Variants in ZNF85 observed in about 807,000 individuals in gnomAD.
ZNF85 encodes the protein zinc finger protein 85.
A neutral mutation model predicts 53.9 loss-of-function variants in ZNF85; 50 were observed. The observed-to-expected ratio is 0.93, with a 90% CI of 0.74 to 1.17. The LOEUF is 1.17. Ranked by LOEUF, ZNF85 falls within the 50% of genes most tolerant of loss-of-function variation. The pLI, the probability that ZNF85 is intolerant of heterozygous loss-of-function variation, is 0.00. For synonymous variants in ZNF85, 225 were observed against 226.1 expected (o/e 1.00, Z 0.04); for missense variants, 747 against 688.5 (o/e 1.08, Z -0.95).
At chr19:20,942,734 C>T (rs1973326297) in intron 3 of ZNF85, 2 of 662,758 alleles carry the variant, frequency 3.0e-6, no homozygotes, top group South Asian at 3.3e-5. Context: ...GGTCAGAAAA[C>T]ACACAGTGTA....
chr19:20,926,118 T>C (rs57893102), intron 1 of ZNF85, among the ~76,000 whole-genome samples: 5,509 of 152,274 alleles, frequency 0.036, 198 homozygotes, highest in South Asian at 0.12. Context: ...AAAATCTCTC[T>C]TCCATTTTGG....
intron 1 of ZNF85, among the ~76,000 whole-genome samples, chr19:20,930,321 T>C (rs1477022140): frequency 6.6e-6 from 1 of 152,182 alleles, no homozygotes; most frequent in Non-Finnish European, 1.5e-5. Flanking sequence ...ACTTGTTTTC[T>C]ATTTTTGCAA....
In ZNF85 at chr19:20,948,918, A is replaced by C. The variant is rs781095483; in HGVS notation, c.404A>C (p.Asn135Thr). 6.2e-7 allele frequency: 1 copy of C among 1,613,748 alleles called. No homozygotes were observed. Among genetic ancestry groups the C allele is most frequent in the Non-Finnish European group, 8.5e-7 (1 of 1,179,766 alleles). Residue 135 changes from asparagine to threonine, a missense_variant, in exon 4 of 4, where the codon AAC (asparagine) becomes ACC (threonine). Physicochemically the swap from Asn to Thr is moderately conservative, Grantham distance 65 (BLOSUM62 0). Coordinates refer to ENST00000328178, the MANE Select transcript of ZNF85 (RefSeq NM_003429.5). ...CACAAAGGAGGTTGTAATGGACTTA[A>C]CCAATGTCTCACAGCTACCCAGAGC... ...KMHKGGCNGL[N>T]QCLTATQSKI...
In ZNF85 at chr19:20,948,784, G is replaced by A; in HGVS notation, c.270G>A (p.Gln90=). Reference sequence around the variant, plus strand: ...TTGCCCAAGACCTTTGGCCGGAGCAGAATATAAAAGATTCTTTCCAAAAAG... The same window carrying A: ...TTGCCCAAGACCTTTGGCCGGAGCAAAATATAAAAGATTCTTTCCAAAAAG... The part of the protein sequence containing the change: ...SHFAQDLWPE[Q]NIKDSFQKVT... Residue 90 remains glutamine, a synonymous_variant, in exon 4 of 4, where the codon CAG becomes CAA. Transcript: ENST00000328178. 4 of 1,602,524 alleles carry A rather than the reference G, an allele frequency of 2.5e-6. No individual in the cohort carries two copies. The highest frequency in any genetic ancestry group is 2.3e-5 in the South Asian group (2 of 88,028).
At position 20,950,054 on chromosome 19, in the gene ZNF85, G is replaced by T. The variant is rs1973541095; in HGVS notation, c.1540G>T (p.Glu514Ter). The T allele has an allele frequency of 6.2e-7, 1 of 1,612,586 alleles. No homozygotes were observed. The highest frequency in any genetic ancestry group is 1.1e-5 in the South Asian group (1 of 91,046). Residue 514 changes from glutamate (E) to a stop codon, truncating the protein, a stop_gained, in exon 4 of 4, where the codon GAA becomes TAA. Transcript: ENST00000328178. LOFTEE classifies it high-confidence loss of function. ...HTGEKPYKCE[E>*]CGKAFNQSSK... ...TGGAGAGAAACCATACAAATGTGAA[G>T]AATGTGGCAAAGCTTTTAACCAATC...
intron 1 of ZNF85, chr19:20,928,080 G>A (rs1296224907): frequency 6.6e-6 from 1 of 152,110 alleles, no homozygotes; most frequent in South Asian, 2.1e-4. Context: ...TGGGTTCTGT[G>A]AGTAGCTCTA....
At chr19:20,931,562 G>T (rs1973018511) in intron 1 of ZNF85, among the ~76,000 whole-genome samples, 1 of 148,710 alleles carries the variant, frequency 6.7e-6, no homozygotes, top group South Asian at 2.1e-4. Context: ...GACTGTTTCT[G>T]TTTGGATTTG....
chr19:20,939,777 A>C (rs965488767), intron 3 of ZNF85, among the ~76,000 whole-genome samples: 43 of 151,796 alleles, frequency 2.8e-4, no homozygotes, highest in Admixed American at 2.0e-3. Context: ...AGCTCACCGC[A>C]ACCTCTGCCT....
rs1339601644 is a variant in ZNF85, at chr19:20,948,988, T to G, written c.474T>G (p.Phe158Leu). 6.2e-7 allele frequency: 1 copy of G among 1,613,494 alleles called. No individual in the cohort carries two copies. Among genetic ancestry groups the G allele is most frequent in the South Asian group, 1.1e-5 (1 of 90,934 alleles). ...CDKYVKVAHKFSNSNRHEIRH... is the reference protein window; with the variant it reads ...CDKYVKVAHKLSNSNRHEIRH... ...AATATGTAAAAGTCGCTCATAAATT[T>G]TCAAATTCAAACAGACATGAGATAA... Residue 158 changes from phenylalanine (F) to leucine (L), a missense_variant, in exon 4 of 4, where the codon TTT becomes TTG. By Grantham distance (22) the Phe-to-Leu change is conservative. Coordinates refer to ENST00000328178, the MANE Select transcript of ZNF85 (RefSeq NM_003429.5).
chr19:20,928,734 G>A (rs1972937613), intron 1 of ZNF85: 1 of 152,278 alleles, frequency 6.6e-6, no homozygotes, highest in Admixed American at 6.5e-5. Context: ...CACCAACCTA[G>A]GGTTCTGGAC....
At chr19:20,938,251 A>G (rs113687725) in intron 3 of ZNF85, among the ~76,000 whole-genome samples, 1,812 of 152,146 alleles carry the variant, frequency 0.012, 33 homozygotes, top group African/African-American at 0.034. Flanking sequence ...TGTATTTTTA[A>G]TAGAGACATG....
intron 1 of ZNF85, among the ~76,000 whole-genome samples, chr19:20,931,227 A>T (rs2144614139): frequency 6.6e-6 from 1 of 152,216 alleles, no homozygotes; most frequent in East Asian, 1.9e-4. Context: ...CTATTCATGG[A>T]CTCTTTTCAA....
chr19:20,935,393 C>A (rs966288246), intron 3 of ZNF85, among the ~76,000 whole-genome samples: 2 of 152,010 alleles, frequency 1.3e-5, no homozygotes, highest in African/African-American at 4.8e-5. Flanking sequence ...CTATGTTAAG[C>A]AATATTTTTA....
chr19:20,949,981 AGGT>A lies in ZNF85; in HGVS notation c.1468_1470del (p.Gly490del). ...CTTACAAATGTGAAGAATGTGGCAA[AGGT>A]TTTAAATGGCCCTCAACCCTTACTA... On this transcript the variant is annotated inframe_deletion, in exon 4 of 4. Transcript: ENST00000328178. 1 of 1,611,196 alleles carries A rather than the reference AGGT, an allele frequency of 6.2e-7. No homozygotes were observed. The highest frequency in any genetic ancestry group is 8.5e-7 in the Non-Finnish European group (1 of 1,178,184).
intron 2 of ZNF85, among the ~76,000 whole-genome samples, chr19:20,934,586 G>A (rs567362130): frequency 1.4e-4 from 22 of 151,986 alleles, no homozygotes; most frequent in African/African-American, 2.7e-4. Context: ...TGGCTAACAC[G>A]GTGAAACCCC....
At chr19:20,946,293 C>A in intron 3 of ZNF85, 1 of 395,998 alleles carries the variant, frequency 2.5e-6, no homozygotes, top group Non-Finnish European at 4.9e-6. Context: ...TTTTTTTGTC[C>A]TAACAGGTTG....
intron 3 of ZNF85, among the ~76,000 whole-genome samples, chr19:20,937,600 A>G (rs1446118415): frequency 6.6e-6 from 1 of 152,196 alleles, no homozygotes; most frequent in African/African-American, 2.4e-5. Flanking sequence ...CGAGTCTGCT[A>G]ATGGCAGGGC....
intron 3 of ZNF85, among the ~76,000 whole-genome samples, chr19:20,936,395 A>C (rs1973159476): frequency 6.9e-6 from 1 of 145,162 alleles, no homozygotes; most frequent in Non-Finnish European, 1.5e-5. Flanking sequence ...AAATCCTTTG[A>C]GAGACAAAGG....
At position 20,944,566 on chromosome 19, in the gene ZNF85, T is replaced by G. The variant is rs938114007; in HGVS notation, c.230-4178T>G. Among the ~76,000 whole-genome samples, 8 of 149,866 alleles carry G rather than the reference T, an allele frequency of 5.3e-5. 1 individual carries two copies. The highest frequency in any genetic ancestry group is 4.7e-4 in the Admixed American group (7 of 15,014). ...GTAGTATTGGTTAAGAATTTTTTAT[T>G]ACATCATAATTTGGAAAGTTCTCAG... On this transcript the variant is annotated intron_variant, in intron 3 of 3. Transcript: ENST00000328178.
Sources: gnomAD v4.1 joint callset for allele counts (sites outside exome capture counted in the v4.1 genomes callset) on GRCh38, gnomAD v4.1.1 for gene constraint, MANE v1.5 for transcripts, NCBI Gene and HGNC (gene_info 2026-07-23, HGNC 2026-07-21) for gene names.